The following DPH6 variants were observed in gnomAD, a reference collection of about 807,000 sequenced individuals.
DPH6 encodes the protein diphthine--ammonia ligase.
In DPH6, 33 loss-of-function variants were observed where a neutral mutation model predicts 38.2. The ratio of observed to expected loss-of-function variants is 0.86; its 90% CI spans 0.65 to 1.15. The LOEUF (loss-of-function observed/expected upper bound fraction) is 1.15. Among genes scored for constraint, DPH6 ranks in the 50% most tolerant of loss-of-function variants. The pLI is 0.00. For synonymous variants in DPH6, 108 were observed against 103.0 expected, an observed-to-expected ratio of 1.05 and a Z score of -0.30; for missense variants, 325 against 320.0, an observed-to-expected ratio of 1.02 and a Z score of -0.12.
the DPH6 span, among the ~76,000 whole-genome samples, chr15:35,195,410 G>A: frequency 6.6e-6 from 1 of 152,154 alleles, no homozygotes; most frequent in East Asian, 1.9e-4. Flanking sequence ...AGAGGAAACT[G>A]AGGCTTAGAA....
At chr15:35,368,269 G>A (rs192208191), downstream of DPH6, among the ~76,000 whole-genome samples, 8 of 151,936 alleles carry the variant, frequency 5.3e-5, no homozygotes, top group Admixed American at 3.3e-4. Context: ...ATAAGGCAAC[G>A]AAGGAGAGAA....
chr15:35,424,552 T>C (rs1304566552), intron 5 of DPH6, among the ~76,000 whole-genome samples: 1 of 151,662 alleles, frequency 6.6e-6, no homozygotes, highest in Non-Finnish European at 1.5e-5. Flanking sequence ...TTATTTCTTT[T>C]TCTTGCTTAA....
chr15:35,299,176 C>A (rs897078172), intron 3 of DPH6: 14 of 1,343,458 alleles, frequency 1.0e-5, no homozygotes, highest in African/African-American at 1.4e-5. Context: ...ATCAGAACTT[C>A]CCCTGCAGAA....
the DPH6 span, among the ~76,000 whole-genome samples, chr15:35,162,600 A>C: frequency 6.6e-6 from 1 of 151,872 alleles, no homozygotes. Flanking sequence ...TTTATCTAAA[A>C]TAGTGACTAA....
the DPH6 span, among the ~76,000 whole-genome samples, chr15:35,165,252 C>G: frequency 3.2e-4 from 48 of 151,990 alleles, no homozygotes; most frequent in Admixed American, 9.9e-4. Flanking sequence ...CCTTATTAAT[C>G]TATGTGCCCC....
intron 3 of DPH6, among the ~76,000 whole-genome samples, chr15:35,245,675 G>A (rs921250992): frequency 1.3e-5 from 2 of 152,178 alleles, no homozygotes; most frequent in Admixed American, 6.5e-5. Flanking sequence ...TCCCTCTGAC[G>A]TATCACTTCA....
intron 5 of DPH6, among the ~76,000 whole-genome samples, chr15:35,416,854 C>A (rs1353155217): frequency 6.6e-6 from 1 of 152,062 alleles, no homozygotes; most frequent in Non-Finnish European, 1.5e-5. Context: ...ATTCCAGCTA[C>A]CGTCCTTGCA....
intron 3 of DPH6, among the ~76,000 whole-genome samples, chr15:35,485,166 T>C (rs1035875607): frequency 6.6e-6 from 1 of 152,146 alleles, no homozygotes; most frequent in Non-Finnish European, 1.5e-5. Context: ...ATAGGTAAAA[T>C]TGTCCAGGAT....
chr15:35,227,545 C>T (rs1450869192), intron 3 of DPH6, among the ~76,000 whole-genome samples: 2 of 151,760 alleles, frequency 1.3e-5, no homozygotes, highest in African/African-American at 2.4e-5. Flanking sequence ...CTTAGTCTGG[C>T]TAAAGGTTTG....
At chr15:35,521,188 TTAAA>T in intron 3 of DPH6, 1 of 985,314 alleles carries the variant, frequency 1.0e-6, no homozygotes, top group East Asian at 1.1e-4. Context: ...TATTGCTCCC[TTAAA>T]TTATTAATTT....
chr15:35,418,517 T>G (rs1027441967), intron 5 of DPH6, among the ~76,000 whole-genome samples: 1 of 152,086 alleles, frequency 6.6e-6, no homozygotes, highest in Non-Finnish European at 1.5e-5. Flanking sequence ...GATAACTCCA[T>G]GCAGAATTAA....
At chr15:35,408,387 C>A (rs1206005691) in intron 6 of DPH6, among the ~76,000 whole-genome samples, 1 of 151,900 alleles carries the variant, frequency 6.6e-6, no homozygotes, top group East Asian at 1.9e-4. Flanking sequence ...TAACACACAT[C>A]TGAATTAAGG....
At chr15:35,198,920 CT>C in the DPH6 span, among the ~76,000 whole-genome samples, 118 of 145,294 alleles carry the variant, frequency 8.1e-4, no homozygotes, top group East Asian at 8.0e-4. Flanking sequence ...TTGTCTTCTT[CT>C]TTTTTTTTTT....
intron 3 of DPH6, among the ~76,000 whole-genome samples, chr15:35,346,481 A>G (rs2052463060): frequency 6.6e-6 from 1 of 152,030 alleles, no homozygotes; most frequent in Non-Finnish European, 1.5e-5. Context: ...GATGTCTTTA[A>G]TATTTCTTGT....
chr15:35,484,259 T>G (rs2054366905), intron 3 of DPH6, among the ~76,000 whole-genome samples: 1 of 152,244 alleles, frequency 6.6e-6, no homozygotes, highest in Non-Finnish European at 1.5e-5. Context: ...CTGAGTATAT[T>G]AGCAACCTAT....
chr15:35,356,403 A>G (rs1217727266), intron 3 of DPH6, among the ~76,000 whole-genome samples: 1 of 151,990 alleles, frequency 6.6e-6, no homozygotes, highest in Non-Finnish European at 1.5e-5. Flanking sequence ...TTTTTCCCCA[A>G]CTTTGTAGTT....
chr15:35,476,570 T>C (rs1227053152), intron 3 of DPH6, among the ~76,000 whole-genome samples: 1 of 151,882 alleles, frequency 6.6e-6, no homozygotes, highest in Non-Finnish European at 1.5e-5. Context: ...ATTCTATTTT[T>C]TTCTTCTTGA....
chr15:35,191,561 A>G, the DPH6 span, among the ~76,000 whole-genome samples: 1 of 152,308 alleles, frequency 6.6e-6, no homozygotes, highest in South Asian at 2.1e-4. Context: ...TCTCAAGTCA[A>G]AGTCTGCACC....
At chr15:35,241,075 G>A (rs1311704562) in intron 3 of DPH6, among the ~76,000 whole-genome samples, 1 of 142,742 alleles carries the variant, frequency 7.0e-6, no homozygotes, top group African/African-American at 2.5e-5. Flanking sequence ...CCAGGCCAAG[G>A]AATGCCCGCA....
Sources: allele counts gnomAD v4.1 joint callset (sites outside exome capture counted in the v4.1 genomes callset), GRCh38; gene constraint gnomAD v4.1.1; transcripts MANE v1.5; gene names NCBI Gene and HGNC (gene_info 2026-07-23, HGNC 2026-07-21).